Variants in RBM33 observed in about 807,000 individuals in gnomAD.
RBM33 encodes the protein RNA-binding protein 33.
Under a neutral mutation model 132.6 loss-of-function variants are expected in RBM33, and 28 were observed. That is an observed-to-expected ratio of 0.21 (90% CI 0.16 to 0.29). The LOEUF (loss-of-function observed/expected upper bound fraction) is 0.29. Among genes scored for constraint, RBM33 ranks in the 10% least tolerant of loss-of-function variants. The pLI is 1.00. For synonymous variants in RBM33, 634 were observed against 593.0 expected (o/e 1.07, Z -1.01); for missense variants, 1,291 against 1,518.5 (o/e 0.85, Z 2.49).
intron 1 of RBM33, among the ~76,000 whole-genome samples, chr7:155,657,955 A>G (rs1265534393): frequency 3.3e-5 from 5 of 152,190 alleles, no homozygotes; most frequent in East Asian, 1.9e-4. Flanking sequence ...TGTTGGTCCA[A>G]GTACCCTGTA....
intron 2 of RBM33, among the ~76,000 whole-genome samples, chr7:155,669,160 G>A (rs911528841): frequency 1.3e-5 from 2 of 152,184 alleles, no homozygotes; most frequent in African/African-American, 4.8e-5. Context: ...GACACAGAGA[G>A]AGACACTTGG....
At chr7:155,742,210 C>G in intron 13 of RBM33, 104 bp downstream of exon 13, 3 of 1,147,326 alleles carry the variant, frequency 2.6e-6, no homozygotes, top group Non-Finnish European at 1.2e-6. Flanking sequence ...CAAAATCTTC[C>G]CACTTTTTTC....
rs73165201 is a variant in RBM33 at position 155,660,428 on chromosome 7, A to G, written c.44-4747A>G. Among the ~76,000 whole-genome samples, 3 of 152,304 alleles carry G rather than the reference A, an allele frequency of 2.0e-5. No individual in the cohort carries two copies. The East Asian group carries it at 5.8e-4, about 29-fold the overall frequency. On this transcript the variant is annotated intron_variant, in intron 1 of 17. Coordinates refer to ENST00000401878, the MANE Select transcript of RBM33 (RefSeq NM_053043.3). ...AGAAGGAGGGGTAAGACTTCAGCAT[A>G]TATTTTTTGGGGATACAATTCAACC...
intron 9 of RBM33, among the ~76,000 whole-genome samples, chr7:155,734,701 C>G (rs1198119718): frequency 6.6e-6 from 1 of 152,016 alleles, no homozygotes; most frequent in Non-Finnish European, 1.5e-5. Context: ...GTGCCTCCTC[C>G]CCCGAAATAA....
chr7:155,737,228 G>C (rs1209806490), intron 9 of RBM33, among the ~76,000 whole-genome samples: 16 of 149,728 alleles, frequency 1.1e-4, no homozygotes, highest in Admixed American at 2.0e-4. Context: ...TGTAGAAAGC[G>C]CTACCATCTA....
At chr7:155,659,173 TTAAATAG>T (rs1228853449) in intron 1 of RBM33, among the ~76,000 whole-genome samples, 3 of 152,184 alleles carry the variant, frequency 2.0e-5, no homozygotes, top group Non-Finnish European at 2.9e-5. Flanking sequence ...ATATCCAGTT[TTAAATAG>T]TAAATAGTAA....
At chr7:155,678,504 T>C (rs944368409) in intron 3 of RBM33, 104 bp from the exon 4 acceptor site, 7 of 717,278 alleles carry the variant, frequency 9.8e-6, no homozygotes, top group Non-Finnish European at 1.6e-5. Context: ...TGGCAAACGT[T>C]TTAATATAAG....
At chr7:155,730,009 G>T (rs1247366682) in intron 9 of RBM33, among the ~76,000 whole-genome samples, 1 of 152,206 alleles carries the variant, frequency 6.6e-6, no homozygotes, top group Non-Finnish European at 1.5e-5. Flanking sequence ...TTTACAGCAT[G>T]CCGCAGTACT....
intron 14 of RBM33, among the ~76,000 whole-genome samples, chr7:155,755,420 C>A (rs1018547646): frequency 6.6e-6 from 1 of 152,126 alleles, no homozygotes; most frequent in African/African-American, 2.4e-5. Flanking sequence ...TTTCATAATA[C>A]CTTTACAGAA....
At position 155,680,711 on chromosome 7, in the gene RBM33, G is replaced by A. The variant is rs780151917; in HGVS notation, c.370G>A (p.Glu124Lys). 6.2e-7 allele frequency: 1 copy of A among 1,613,120 alleles called. No homozygotes were observed. The highest frequency in any genetic ancestry group is 1.7e-5 in the Admixed American group (1 of 59,866). ...ATCTGAGTATGAACAAGAACAAGGA[G>A]AGGATGAACTGGTTTATCACAAATC... The part of the protein sequence containing the change: ...QESEYEQEQG[E>K]DELVYHKSDG... The change falls in exon 5 of 18, where the codon GAG becomes AAG. Residue 124 changes from glutamate (E) to lysine (K), a missense_variant. Coordinates refer to ENST00000401878, the MANE Select transcript of RBM33 (RefSeq NM_053043.3).
At chr7:155,755,184 A>G (rs1801809961) in intron 14 of RBM33, among the ~76,000 whole-genome samples, 1 of 152,218 alleles carries the variant, frequency 6.6e-6, no homozygotes, top group African/African-American at 2.4e-5. Context: ...AAACCTGTTC[A>G]GTGAGGTCTC....
intron 2 of RBM33, 100 bp from the exon 3 acceptor site, chr7:155,672,767 G>T: frequency 8.7e-5 from 49 of 560,654 alleles, no homozygotes; most frequent in Middle Eastern, 4.5e-4. Flanking sequence ...AAAAAAAAAG[G>T]TACCTGAGCT....
chr7:155,698,321 C>T (rs1048150001), intron 5 of RBM33, among the ~76,000 whole-genome samples: 3 of 151,828 alleles, frequency 2.0e-5, no homozygotes, highest in Admixed American at 6.6e-5. Context: ...GAGCTGAGAT[C>T]GCACCACTGC....
Position 155,656,941 on chromosome 7 carries a change from A to C in RBM33, c.44-8234A>C, listed in dbSNP as rs574508607. Among the ~76,000 whole-genome samples, 3 of 151,668 alleles carry C rather than the reference A, an allele frequency of 2.0e-5. No individual in the cohort carries two copies. The East Asian group carries it at 5.8e-4, about 29-fold the overall frequency. On this transcript the variant is annotated intron_variant, in intron 1 of 17. Transcript: ENST00000401878. ...TTACTGTTTGTCTTTTCTTACTAGA[A>C]TGTAACCTACACAGGGTGAAGGTTT...
intron 9 of RBM33, among the ~76,000 whole-genome samples, chr7:155,725,998 G>T (rs904505826): frequency 6.6e-6 from 1 of 152,194 alleles, no homozygotes; most frequent in East Asian, 1.9e-4. Context: ...TTAACATATT[G>T]TGATAGAGGG....
At chr7:155,762,184 T>G (rs921486701) in intron 14 of RBM33, among the ~76,000 whole-genome samples, 10 of 152,212 alleles carry the variant, frequency 6.6e-5, no homozygotes, top group African/African-American at 2.4e-4. Flanking sequence ...TCTCTAGCAC[T>G]TTCCGTTCTG....
chr7:155,665,355 T>A, intron 2 of RBM33, 102 bp downstream of exon 2: 1 of 993,064 alleles, frequency 1.0e-6, no homozygotes, highest in Non-Finnish European at 1.6e-6. Flanking sequence ...CTTGACTACC[T>A]GGCGCTCTCT....
chr7:155,651,549 C>T (rs1798353917), intron 1 of RBM33, among the ~76,000 whole-genome samples: 1 of 136,660 alleles, frequency 7.3e-6, no homozygotes, highest in South Asian at 2.3e-4. Context: ...CACTGCACTC[C>T]AGCCTGGGCA....
intron 14 of RBM33, among the ~76,000 whole-genome samples, chr7:155,752,875 T>C (rs903310600): frequency 4.1e-4 from 63 of 152,170 alleles, no homozygotes; most frequent in African/African-American, 1.5e-3. Context: ...GTCCTTTCTT[T>C]GTTCCTCTTC....
Sources: allele counts gnomAD v4.1 joint callset (sites outside exome capture counted in the v4.1 genomes callset), GRCh38; gene constraint gnomAD v4.1.1; transcripts MANE v1.5; gene names NCBI Gene and HGNC (gene_info 2026-07-23, HGNC 2026-07-21).